ARIH2: variants seen among roughly 807,000 people sequenced by gnomAD.
The protein encoded by ARIH2 is E3 ubiquitin-protein ligase ARIH2.
A neutral mutation model predicts 79.8 loss-of-function variants in ARIH2; 12 were observed. That is an observed-to-expected ratio of 0.15 (90% confidence interval 0.10 to 0.24). The LOEUF is 0.24. ARIH2 is among the 10% of genes least tolerant of loss of function. The probability of loss-of-function intolerance (pLI) is 1.00; values close to 1 mark genes in which losing one functional copy is unlikely to be tolerated. For missense variants in ARIH2, 301 were observed against 618.3 expected, an observed-to-expected ratio of 0.49 and a Z score of 5.44; for synonymous variants, 224 against 213.9, an observed-to-expected ratio of 1.05 and a Z score of -0.41.
At position 48,984,151 on chromosome 3, in the gene ARIH2, A is replaced by G. The variant is rs1576589856; in HGVS notation, c.*881A>G. ...CTTTTGAAGGGAATTGTTCCTCCCA[A>G]ATAAATTTGCTTTACCTTGGTCCTT... On this transcript the variant is annotated 3_prime_UTR_variant, in exon 16 of 16. Coordinates refer to ENST00000356401, the MANE Select transcript of ARIH2 (RefSeq NM_006321.4). 2 of 152,652 alleles carry G rather than the reference A, an allele frequency of 1.3e-5. No individual in the cohort carries two copies. Among genetic ancestry groups the G allele is most frequent in the African/African-American group, 2.4e-5 (1 of 41,462 alleles). The allele number at this position is 152,652 out of a possible 1,614,324, so 9.5% of individuals were successfully genotyped here. A position where few individuals can be genotyped will look rare whatever the true frequency, so the allele number is the denominator to read the frequency against.
At position 48,984,200 on chromosome 3, in the gene ARIH2, G is replaced by A. The variant is rs1295701100; in HGVS notation, c.*930G>A. 6.6e-6 allele frequency: 1 copy of A among 152,652 alleles called. No individual in the cohort carries two copies. The highest frequency in any genetic ancestry group is 2.4e-5 in the African/African-American group (1 of 41,450). 9.5% of individuals were successfully genotyped at this position (152,652 alleles called of 1,614,324 possible). A position where few individuals can be genotyped will look rare whatever the true frequency, so the allele number is the denominator to read the frequency against. On this transcript the variant is annotated 3_prime_UTR_variant, in exon 16 of 16. Transcript: ENST00000356401. The stretch of plus-strand genomic sequence containing the variant: ...TTTCTTTTGTGCCAGTATTCAAGTG[G>A]TATAGCTCTGAGCAGGGTCACATTT...
chr3:48,951,043 A>C (rs1160274762), intron 3 of ARIH2, among the ~76,000 whole-genome samples: 1 of 151,042 alleles, frequency 6.6e-6, no homozygotes, highest in African/African-American at 2.4e-5. Context: ...GTTCACTGCA[A>C]CCTCAACCTC....
rs80236685 is a variant in ARIH2 at position 48,929,344 on chromosome 3, C to CT, written c.255+1542dup. On this transcript the variant is annotated intron_variant, in intron 3 of 15. Coordinates refer to ENST00000356401, the MANE Select transcript of ARIH2 (RefSeq NM_006321.4). ...CCGTCCGTCCGTCCTTCCTTCCTTC[C>CT]TTTTTTTTTTTGTTTTTTAATTGTG... Among the ~76,000 whole-genome samples the CT allele has an allele frequency of 1.6e-3, 232 of 144,734 alleles. 2 individuals are homozygous for CT. The highest frequency in any genetic ancestry group is 0.014 in the Middle Eastern group (4 of 282). 95.0% of individuals were successfully genotyped at this position (144,734 alleles called of 152,430 possible). A position where few individuals can be genotyped will look rare whatever the true frequency, so the allele number is the denominator to read the frequency against.
chr3:48,934,884 G>T, intron 3 of ARIH2: 1 of 985,286 alleles, frequency 1.0e-6, no homozygotes, highest in Non-Finnish European at 1.2e-6. Flanking sequence ...TTTCATTCTA[G>T]TCTTTTTGTT....
chr3:48,973,359 C>T (rs1408925259), intron 8 of ARIH2, among the ~76,000 whole-genome samples: 4 of 152,056 alleles, frequency 2.6e-5, no homozygotes, highest in Non-Finnish European at 5.9e-5. Flanking sequence ...GGGTGGATCA[C>T]GAGGTCAGGA....
intron 3 of ARIH2, among the ~76,000 whole-genome samples, chr3:48,956,105 G>A (rs1217307542): frequency 2.6e-5 from 4 of 151,696 alleles, no homozygotes; most frequent in Non-Finnish European, 5.9e-5. Flanking sequence ...CCAATCTTCT[G>A]TGTACTATCA....
chr3:48,977,873 G>C lies in ARIH2; in HGVS notation c.962-1609G>C, dbSNP rs1017864622. 5.9e-5 allele frequency among the ~76,000 whole-genome samples: 9 copies of C among 152,146 alleles called. No individual in the cohort carries two copies. In the East Asian group the frequency reaches 1.7e-3, roughly 29 times the overall value. ...AAAATTGAACAACCTCTGGGTCTCC[G>C]GGTTTTGCTTTGGCTTCCCTAAAAT... On this transcript the variant is annotated intron_variant, in intron 11 of 15. Transcript: ENST00000356401.
intron 7 of ARIH2, among the ~76,000 whole-genome samples, chr3:48,969,569 C>T (rs1559834678): frequency 6.6e-6 from 1 of 151,558 alleles, no homozygotes; most frequent in Non-Finnish European, 1.5e-5. Context: ...TCACTGCAGC[C>T]TCTGACCTCC....
chr3:48,930,353 T>C (rs2086198790), intron 3 of ARIH2, among the ~76,000 whole-genome samples: 1 of 152,222 alleles, frequency 6.6e-6, no homozygotes, highest in Non-Finnish European at 1.5e-5. Flanking sequence ...CGTGCTAGCA[T>C]GTTCCTGTAG....
chr3:48,979,588 C>T lies in ARIH2; in HGVS notation c.1068C>T (p.Ala356=), dbSNP rs771141807. Residue 356 remains alanine, a synonymous_variant, in exon 12 of 16, where the codon GCC becomes GCT. Transcript: ENST00000356401. Reference sequence around the variant, plus strand: ...ACATCGTGAACCAGAGCCAACAAGCCCAGGCGAGGGAAGCCCTCAAGAAGT... The same window carrying T: ...ACATCGTGAACCAGAGCCAACAAGCTCAGGCGAGGGAAGCCCTCAAGAAGT... ...NPDIVNQSQQ[A]QAREALKKYL... The T allele has an allele frequency of 1.9e-6, 3 of 1,614,202 alleles. No individual in the cohort carries two copies. The highest frequency in any genetic ancestry group is 1.3e-5 in the African/African-American group (1 of 75,044).
chr3:48,926,014 G>T (rs2085543620), intron 2 of ARIH2, among the ~76,000 whole-genome samples: 1 of 152,134 alleles, frequency 6.6e-6, no homozygotes, highest in African/African-American at 2.4e-5. Context: ...CACCGCACCT[G>T]GCCTAGTTTT....
chr3:48,970,460 C>T (rs1406343758), intron 7 of ARIH2, 135 bp from the exon 8 acceptor site: 1 of 637,186 alleles, frequency 1.6e-6, no homozygotes, highest in East Asian at 2.7e-5. Context: ...TCTTCACATC[C>T]TTTCTGAATT....
intron 2 of ARIH2, 144 bp from the exon 3 acceptor site, chr3:48,927,318 A>G (rs958902831): frequency 2.1e-6 from 1 of 476,928 alleles, no homozygotes; most frequent in Non-Finnish European, 3.8e-6. Context: ...GGGGGATGAT[A>G]GTAAGATTCC....
chr3:48,923,886 C>A (rs1559703646), intron 2 of ARIH2, among the ~76,000 whole-genome samples: 1 of 152,116 alleles, frequency 6.6e-6, no homozygotes, highest in African/African-American at 2.4e-5. Flanking sequence ...ATAATCCCAG[C>A]GTTTTGTAAG....
chr3:48,949,388 T>G (rs1478708449), intron 3 of ARIH2, among the ~76,000 whole-genome samples: 3 of 152,228 alleles, frequency 2.0e-5, no homozygotes, highest in Non-Finnish European at 2.9e-5. Context: ...ATTACAGGTG[T>G]GAGCCATCGT....
intron 8 of ARIH2, among the ~76,000 whole-genome samples, chr3:48,972,562 T>G (rs752782471): frequency 2.6e-5 from 4 of 152,050 alleles, no homozygotes; most frequent in Non-Finnish European, 4.4e-5. Context: ...GAAAATCACT[T>G]GAACCAGGGA....
At chr3:48,943,591 C>G (rs73082325) in intron 3 of ARIH2, 3,410 of 152,100 alleles carry the variant, frequency 0.022, 61 homozygotes, top group Non-Finnish European at 0.03. Flanking sequence ...AATTTCTGCC[C>G]TCAATGGGCT....
chr3:48,978,280 C>CA (rs1314002430), intron 11 of ARIH2, among the ~76,000 whole-genome samples: 3 of 145,404 alleles, frequency 2.1e-5, no homozygotes, highest in African/African-American at 7.7e-5. Context: ...TTTTGAGACA[C>CA]AGTCTCGCTC....
At chr3:48,975,447 C>T (rs1371325199) in intron 11 of ARIH2, among the ~76,000 whole-genome samples, 2 of 152,214 alleles carry the variant, frequency 1.3e-5, no homozygotes, top group Non-Finnish European at 2.9e-5. Flanking sequence ...ATAGCTAGAA[C>T]CCATGTATGC....
Sources: gnomAD v4.1 joint callset for allele counts (sites outside exome capture counted in the v4.1 genomes callset) on GRCh38, gnomAD v4.1.1 for gene constraint, MANE v1.5 for transcripts, NCBI Gene and HGNC (gene_info 2026-07-23, HGNC 2026-07-21) for gene names.